The following SPG11 variants were observed in gnomAD, a reference collection of about 807,000 sequenced individuals.
The protein encoded by SPG11 is spatacsin.
In SPG11, 222 loss-of-function variants were observed where a neutral mutation model predicts 274.0. That is an observed-to-expected ratio of 0.81 (90% CI 0.73 to 0.91). The LOEUF (loss-of-function observed/expected upper bound fraction) is 0.91, where lower values mean the gene tolerates loss of function less well. Among genes scored for constraint, SPG11 ranks in the 40% least tolerant of loss-of-function variants. The pLI is 0.00. For missense variants in SPG11, 3,114 were observed against 2,872.7 expected (o/e 1.08, Z -1.92); for synonymous variants, 1,144 against 1,039.7 (o/e 1.10, Z -1.93).
Position 44,652,218 on chromosome 15 carries a change from A to G in SPG11, c.918T>C (p.Pro306=), listed in dbSNP as rs147614121. 2 of 1,614,012 alleles carry G rather than the reference A, an allele frequency of 1.2e-6. No homozygotes were observed. Among genetic ancestry groups the G allele is most frequent in the African/African-American group, 1.3e-5 (1 of 74,928 alleles). The change falls in exon 5 of 40, where the codon CCT becomes CCC. Residue 306 remains proline (P), a synonymous_variant. Coordinates refer to ENST00000261866, the MANE Select transcript of SPG11 (RefSeq NM_025137.4). ...CATCTACGCCCTTAGGTCCTTGAATAGGAAGATCTTCTAGTATTCTTTCAC... is the reference window on the plus strand; with the variant it reads ...CATCTACGCCCTTAGGTCCTTGAATGGGAAGATCTTCTAGTATTCTTTCAC... ...LLCERILEDL[P]IQGPKGVDED...
At position 44,644,202 on chromosome 15, in the gene SPG11, T is replaced by A. The variant is rs114080961; in HGVS notation, c.1602+4664A>T. Among the ~76,000 whole-genome samples the A allele has an allele frequency of 8.6e-3, 1,299 of 150,550 alleles. 21 individuals are homozygous for A. Among genetic ancestry groups the A allele is most frequent in the African/African-American group, 0.029 (1,208 of 41,086 alleles). The stretch of plus-strand genomic sequence containing the variant: ...AAAAAAATTCTCCACAAAGTACTAG[T>A]GAACTGAATCCAGCAATACATCAAA... On this transcript the variant is annotated intron_variant, in intron 7 of 39. Coordinates refer to ENST00000261866, the MANE Select transcript of SPG11 (RefSeq NM_025137.4).
Position 44,600,485 on chromosome 15 carries a change from C to T in SPG11, c.3668G>A (p.Ser1223Asn), listed in dbSNP as rs1427846381. Residue 1223 changes from serine to asparagine, a missense_variant, in exon 21 of 40, where the codon AGC (serine) becomes AAC (asparagine). Transcript: ENST00000261866. ...GTFLVQELIK[S>N]KTPKQLIQQV... is the part of the protein sequence containing the mutation. ...TACTCACAGCTGCTTGGGAGTCTTG[C>T]TCTTGATTAATTCCTGGACCAGAAA... 12 of 1,614,032 alleles carry T rather than the reference C, an allele frequency of 7.4e-6. No individual in the cohort carries two copies. Among genetic ancestry groups the T allele is most frequent in the Non-Finnish European group, 9.3e-6 (11 of 1,179,986 alleles).
chr15:44,639,128 A>T (rs2084366369), intron 7 of SPG11, among the ~76,000 whole-genome samples: 1 of 152,140 alleles, frequency 6.6e-6, no homozygotes, highest in Non-Finnish European at 1.5e-5. Context: ...AAATTAAAGG[A>T]GATTATTCAT....
chr15:44,584,601 A>G, intron 29 of SPG11, 43 bp from the exon 30 acceptor site: 1 of 1,595,830 alleles, frequency 6.3e-7, no homozygotes, highest in Non-Finnish European at 8.5e-7. Context: ...TCTTGGATAA[A>G]AAAGTATCAT....
chr15:44,563,537 T>C (rs1595813359), intron 39 of SPG11, among the ~76,000 whole-genome samples: 4 of 152,160 alleles, frequency 2.6e-5, no homozygotes, highest in Admixed American at 2.6e-4. Flanking sequence ...AGCGTTCTGC[T>C]ATGTTGGCTA....
chr15:44,596,243 T>C lies in SPG11; in HGVS notation c.4274A>G (p.Asn1425Ser), dbSNP rs142567993. 1.2e-4 allele frequency: 187 copies of C among 1,614,068 alleles called. No homozygotes were observed. Among genetic ancestry groups the C allele is most frequent in the Non-Finnish European group, 1.5e-4 (179 of 1,180,024 alleles). Reference sequence around the variant, plus strand: ...TCCTTGAAGTTCCTGGGGGCACTTATTGCAGACTTGATCGCTGTCCATTTT... The same window carrying C: ...TCCTTGAAGTTCCTGGGGGCACTTACTGCAGACTTGATCGCTGTCCATTTT... ...TSKMDSDQVC[N>S]KCPQELQGSK... Residue 1425 changes from asparagine to serine, a missense_variant, in exon 25 of 40, where the codon AAT becomes AGT. By Grantham distance (46) the Asn-to-Ser change is conservative. Coordinates refer to ENST00000261866, the MANE Select transcript of SPG11 (RefSeq NM_025137.4).
At chr15:44,585,043 T>C (rs780380793) in intron 29 of SPG11, among the ~76,000 whole-genome samples, 13 of 152,162 alleles carry the variant, frequency 8.5e-5, no homozygotes, top group Admixed American at 5.9e-4. Context: ...ATTGATCTCA[T>C]GGAATGGGGT....
In SPG11 at chr15:44,596,674, A is replaced by C. The variant is rs1042435786; in HGVS notation, c.4161+110T>G. On this transcript the variant is annotated intron_variant, in intron 24 of 39. Transcript: ENST00000261866. ...CGTATCCTGGTCAAAAAAAAAAAAAAAAAAAAAAAAAAAAAAGGCCTATGT... is the reference window on the plus strand; with the variant it reads ...CGTATCCTGGTCAAAAAAAAAAAAACAAAAAAAAAAAAAAAAGGCCTATGT... The C allele has an allele frequency of 1.1e-4, 74 of 691,118 alleles. 1 individual carries two copies. The African/African-American group carries it at 1.2e-3, about 12-fold the overall frequency. The allele number at this position is 691,118 out of a possible 1,614,324, so 42.8% of individuals were successfully genotyped here.
intron 11 of SPG11, among the ~76,000 whole-genome samples, chr15:44,623,221 T>A (rs1351540918): frequency 2.0e-5 from 3 of 152,174 alleles, no homozygotes; most frequent in African/African-American, 7.2e-5. Flanking sequence ...GGTGCTAGGA[T>A]TACAGGCATG....
At chr15:44,652,659 T>TA (rs976549786) in intron 4 of SPG11, among the ~76,000 whole-genome samples, 11 of 119,772 alleles carry the variant, frequency 9.2e-5, no homozygotes, top group African/African-American at 4.7e-4. Flanking sequence ...GCTTTTTTTC[T>TA]TTTTTTTTTT....
intron 36 of SPG11, among the ~76,000 whole-genome samples, chr15:44,566,709 C>CT (rs1595818337): frequency 6.6e-6 from 1 of 152,044 alleles, no homozygotes; most frequent in Non-Finnish European, 1.5e-5. Flanking sequence ...CCTCAACATT[C>CT]TTTTTTTGAG....
chr15:44,657,022 T>A, intron 4 of SPG11, 73 bp downstream of exon 4: 3 of 1,297,766 alleles, frequency 2.3e-6, no homozygotes, highest in African/African-American at 1.5e-5. Flanking sequence ...AAAAAAAAAC[T>A]AACGAGGATA....
Position 44,564,624 on chromosome 15 carries a change from T to TTTAAGAATCAC in SPG11, c.7063_7073dup (p.Gly2359Ter), listed in dbSNP as rs2082272406. 2.5e-6 allele frequency: 4 copies of TTTAAGAATCAC among 1,614,062 alleles called. No individual in the cohort carries two copies. The highest frequency in any genetic ancestry group is 3.4e-6 in the Non-Finnish European group (4 of 1,179,896). On this transcript the variant is annotated stop_gained and frameshift_variant, in exon 39 of 40. Coordinates refer to ENST00000261866, the MANE Select transcript of SPG11 (RefSeq NM_025137.4). LOFTEE classifies it high-confidence loss of function. ...ATTCTTCCAAGTAATTAAAGTCTCC[T>TTTAAGAATCAC]TTAAGAATCACTTGCTGGTATAAAA...
At chr15:44,661,028 G>T (rs896077067) in intron 1 of SPG11, among the ~76,000 whole-genome samples, 1 of 152,142 alleles carries the variant, frequency 6.6e-6, no homozygotes, top group Non-Finnish European at 1.5e-5. Context: ...ACTTTTAAAA[G>T]AAAGTGATTA....
intron 32 of SPG11, chr15:44,573,325 T>A (rs974011459): frequency 1.6e-6 from 1 of 635,370 alleles, no homozygotes; most frequent in Non-Finnish European, 2.8e-6. Context: ...CTACTCCCAG[T>A]GTAATCATAA....
At chr15:44,598,061 A>T (rs138742955) in intron 23 of SPG11, among the ~76,000 whole-genome samples, 260 of 152,330 alleles carry the variant, frequency 1.7e-3, no homozygotes, top group African/African-American at 5.8e-3. Context: ...GAGAATTGCT[A>T]TCTTCACCCT....
chr15:44,587,199 A>T (rs920035081), intron 28 of SPG11, among the ~76,000 whole-genome samples: 2 of 152,178 alleles, frequency 1.3e-5, no homozygotes, highest in Non-Finnish European at 2.9e-5. Flanking sequence ...TTCTCTGCCA[A>T]CAATTTATGT....
intron 7 of SPG11, among the ~76,000 whole-genome samples, chr15:44,646,328 G>A (rs759232314): frequency 6.6e-6 from 1 of 152,174 alleles, no homozygotes; most frequent in Non-Finnish European, 1.5e-5. Flanking sequence ...AGGTTTAATT[G>A]ACTCACAGTT....
At chr15:44,612,814 C>T (rs1295188859) in intron 17 of SPG11, among the ~76,000 whole-genome samples, 1 of 152,050 alleles carries the variant, frequency 6.6e-6, no homozygotes, top group Non-Finnish European at 1.5e-5. Context: ...TGAAAAAATT[C>T]TGCATTTTGA....
Sources: allele counts gnomAD v4.1 joint callset (sites outside exome capture counted in the v4.1 genomes callset), GRCh38; gene constraint gnomAD v4.1.1; transcripts MANE v1.5; gene names NCBI Gene and HGNC (gene_info 2026-07-23, HGNC 2026-07-21).